EDNRA: variants seen among roughly 807,000 people sequenced by gnomAD.
The protein encoded by EDNRA is endothelin receptor type A.
A neutral mutation model predicts 41.4 loss-of-function variants in EDNRA; 11 were observed. That is an observed-to-expected ratio of 0.27 (90% confidence interval 0.17 to 0.44). The LOEUF (loss-of-function observed/expected upper bound fraction) is 0.44, where lower values mean the gene tolerates loss of function less well. EDNRA is among the 20% of genes least tolerant of loss of function. The pLI is 1.00. For synonymous variants in EDNRA, 172 were observed against 183.0 expected (o/e 0.94, Z 0.49); for missense variants, 294 against 531.0 (o/e 0.55, Z 4.39).
chr4:147,512,157 A>G (rs1729952084), intron 2 of EDNRA, among the ~76,000 whole-genome samples: 1 of 152,244 alleles, frequency 6.6e-6, no homozygotes, highest in African/African-American at 2.4e-5. Context: ...TTACAAAATA[A>G]GTAAAAGCCT....
At chr4:147,510,417 A>G (rs1262933089) in intron 2 of EDNRA, among the ~76,000 whole-genome samples, 1 of 152,244 alleles carries the variant, frequency 6.6e-6, no homozygotes, top group Non-Finnish European at 1.5e-5. Flanking sequence ...AAAATCTATC[A>G]TTCTAGGCTA....
chr4:147,536,112 G>T, intron 5 of EDNRA, 83 bp downstream of exon 5: 1 of 1,444,158 alleles, frequency 6.9e-7, no homozygotes. Flanking sequence ...ATCTTTAGTA[G>T]AATTAGCCTG....
chr4:147,515,703 G>A (rs1182852660), intron 2 of EDNRA, among the ~76,000 whole-genome samples: 1 of 152,160 alleles, frequency 6.6e-6, no homozygotes, highest in Admixed American at 6.6e-5. Context: ...TTACTTTCTG[G>A]TTGTCAGGTA....
At position 147,517,816 on chromosome 4, in the gene EDNRA, A is replaced by G. The variant is rs528258830; in HGVS notation, c.421-2035A>G. Among the ~76,000 whole-genome samples the G allele has an allele frequency of 2.0e-5, 3 of 152,330 alleles. No individual in the cohort carries two copies. In the South Asian group the frequency reaches 6.2e-4, roughly 32 times the overall value. On this transcript the variant is annotated intron_variant, in intron 2 of 7. Coordinates refer to ENST00000651419, the MANE Select transcript of EDNRA (RefSeq NM_001957.4). ...TAACCTAATCCTAGTTAAAAGTTTA[A>G]GGAAGCATGTAAAAGGAAAAAATGT...
chr4:147,532,419 A>G, intron 3 of EDNRA, 87 bp from the exon 4 acceptor site: 2 of 1,150,496 alleles, frequency 1.7e-6, no homozygotes, highest in Non-Finnish European at 2.6e-6. Context: ...GGCAATGAGG[A>G]GGAACTTCCC....
chr4:147,527,885 C>T (rs373366813), intron 3 of EDNRA, among the ~76,000 whole-genome samples: 3 of 152,114 alleles, frequency 2.0e-5, no homozygotes, highest in African/African-American at 4.8e-5. Context: ...GCAGAGGATG[C>T]GACAAGATGC....
intron 1 of EDNRA, among the ~76,000 whole-genome samples, chr4:147,484,421 C>CA (rs1239455799): frequency 2.6e-5 from 4 of 152,192 alleles, no homozygotes; most frequent in African/African-American, 9.7e-5. Context: ...TAGTGGTTAA[C>CA]AGCTCCGGCT....
rs1728940365 is a variant in EDNRA at position 147,486,166 on chromosome 4, G to A, written c.420+65G>A. The A allele has an allele frequency of 2.6e-6, 4 of 1,516,870 alleles. No homozygotes were observed. The highest frequency in any genetic ancestry group is 2.1e-5 in the Admixed American group (1 of 48,182). The allele number at this position is 1,516,870 out of a possible 1,614,324, so 94.0% of individuals were successfully genotyped here. ...ATGCTCTGATTCCACGTGGAGAGTT[G>A]CTGCAGACTTTTCTGACCTTTGGAA... On this transcript the variant is annotated intron_variant, in intron 2 of 7. Coordinates refer to ENST00000651419, the MANE Select transcript of EDNRA (RefSeq NM_001957.4). The surrounding 1 kb of genome is among the most constrained non-coding windows in gnomAD (Gnocchi z 4.3).
intron 2 of EDNRA, among the ~76,000 whole-genome samples, chr4:147,501,657 T>C (rs911851328): frequency 2.6e-5 from 4 of 152,254 alleles, no homozygotes; most frequent in Non-Finnish European, 5.9e-5. Context: ...CATTGCTTTT[T>C]TCAATTGACA....
At chr4:147,490,788 G>A (rs1485553410) in intron 2 of EDNRA, 1 of 152,216 alleles carries the variant, frequency 6.6e-6, no homozygotes, top group East Asian at 1.9e-4. Flanking sequence ...CCCTAAAAGT[G>A]ATATTTGTGC....
At chr4:147,506,210 T>C in intron 2 of EDNRA, 4 of 523,158 alleles carry the variant, frequency 7.6e-6, no homozygotes, top group South Asian at 5.6e-5. Context: ...ATGAAGATCT[T>C]GCAAATATTC....
chr4:147,484,080 A>G (rs1728864576), intron 1 of EDNRA, among the ~76,000 whole-genome samples: 1 of 152,128 alleles, frequency 6.6e-6, no homozygotes, highest in Admixed American at 6.5e-5. Context: ...AGACACGTAC[A>G]CACACCACCG....
In EDNRA at chr4:147,485,593, AT is replaced by A; in HGVS notation, c.-70-14del. 6.9e-7 allele frequency: 1 copy of A among 1,457,246 alleles called. No individual in the cohort carries two copies. The highest frequency in any genetic ancestry group is 9.2e-7 in the Non-Finnish European group (1 of 1,085,154). The allele number at this position is 1,457,246 out of a possible 1,614,324, so 90.3% of individuals were successfully genotyped here. A position where few individuals can be genotyped will look rare whatever the true frequency, so the allele number is the denominator to read the frequency against. ...GCAACTGGGTTTTGGAACAAAAATT[AT>A]TTTTCCTTTTGTTTCAGGTGAAAAA... On this transcript the variant is annotated intron_variant, in intron 1 of 7. Coordinates refer to ENST00000651419, the MANE Select transcript of EDNRA (RefSeq NM_001957.4).
chr4:147,541,043 G>A (rs569165972), intron 7 of EDNRA, among the ~76,000 whole-genome samples: 2 of 132,638 alleles, frequency 1.5e-5, no homozygotes, highest in South Asian at 5.0e-4. Context: ...ACTCCAGCCT[G>A]GGCGACAGAG....
At chr4:147,483,622 A>T (rs1728845940) in intron 1 of EDNRA, among the ~76,000 whole-genome samples, 1 of 152,160 alleles carries the variant, frequency 6.6e-6, no homozygotes, top group Non-Finnish European at 1.5e-5. Flanking sequence ...AGCTTTACTG[A>T]TTTCCCAAGA....
intron 7 of EDNRA, among the ~76,000 whole-genome samples, chr4:147,541,237 C>T (rs896490371): frequency 3.3e-5 from 5 of 152,190 alleles, no homozygotes; most frequent in Non-Finnish European, 7.4e-5. Flanking sequence ...CTCCAGCCAG[C>T]TCAGCCACCC....
chr4:147,542,237 T>G (rs1731129683), intron 7 of EDNRA, among the ~76,000 whole-genome samples: 1 of 152,196 alleles, frequency 6.6e-6, no homozygotes, highest in South Asian at 2.1e-4. Context: ...TGCCTTCCCT[T>G]TCTCTTGCAC....
At chr4:147,518,373 T>C (rs1730190265) in intron 2 of EDNRA, among the ~76,000 whole-genome samples, 1 of 152,178 alleles carries the variant, frequency 6.6e-6, no homozygotes, top group Admixed American at 6.5e-5. Context: ...CAAAAGTTTA[T>C]GAGGAAATTT....
chr4:147,543,665 T>C lies in EDNRA; in HGVS notation c.*1047T>C, dbSNP rs551964029. On this transcript the variant is annotated 3_prime_UTR_variant, in exon 8 of 8. Coordinates refer to ENST00000651419, the MANE Select transcript of EDNRA (RefSeq NM_001957.4). ...TGTAATAGTGACATATATATGTATA[T>C]ACATATCACCTCCTATTCTCTTAAT... 2.0e-5 allele frequency: 3 copies of C among 152,524 alleles called. No individual in the cohort carries two copies. The highest frequency in any genetic ancestry group is 7.2e-5 in the African/African-American group (3 of 41,568). 9.4% of individuals were successfully genotyped at this position (152,524 alleles called of 1,614,324 possible).
Sources: allele counts gnomAD v4.1 joint callset (sites outside exome capture counted in the v4.1 genomes callset), GRCh38; gene constraint gnomAD v4.1.1; non-coding constraint Gnocchi (gnomAD v3.1); transcripts MANE v1.5; gene names NCBI Gene and HGNC (gene_info 2026-07-23, HGNC 2026-07-21).